PLB1: variants seen among roughly 807,000 people sequenced by gnomAD.
The protein encoded by PLB1 is phospholipase B1, membrane-associated.
Under a neutral mutation model 227.4 loss-of-function variants are expected in PLB1, and 242 were observed. The observed-to-expected ratio is 1.06, with a 90% CI of 0.96 to 1.18. PLB1 has a LOEUF of 1.18. Ranked by LOEUF, PLB1 falls within the 50% of genes most tolerant of loss-of-function variation. The probability of loss-of-function intolerance (pLI) is 0.00; values close to 1 mark genes in which losing one functional copy is unlikely to be tolerated. For synonymous variants in PLB1, 757 were observed against 682.2 expected (o/e 1.11, Z -1.71); for missense variants, 1,858 against 1,816.3 (o/e 1.02, Z -0.42).
intron 32 of PLB1, 62 bp downstream of exon 32, chr2:28,592,781 TCTTAA>T (rs745642561): frequency 2.2e-5 from 33 of 1,522,764 alleles, no homozygotes; most frequent in Non-Finnish European, 2.6e-5. Context: ...ATCCCAGTCC[TCTTAA>T]CTTAAGGGTC....
At chr2:28,601,037 G>A (rs1018410432) in intron 36 of PLB1, among the ~76,000 whole-genome samples, 177 bp downstream of exon 36, 2 of 152,158 alleles carry the variant, frequency 1.3e-5, no homozygotes, top group East Asian at 3.8e-4. Context: ...AATGGAGAGA[G>A]CTTTGTTGCT....
intron 13 of PLB1, 57 bp from the exon 14 acceptor site, chr2:28,543,155 G>T: frequency 6.5e-7 from 1 of 1,537,728 alleles, no homozygotes; most frequent in East Asian, 2.4e-5. Context: ...GTGTGTAGCA[G>T]GTCCGTTGCA....
At chr2:28,499,449 G>A (rs1666832197) in intron 1 of PLB1, among the ~76,000 whole-genome samples, 1 of 151,266 alleles carries the variant, frequency 6.6e-6, no homozygotes, top group African/African-American at 2.4e-5. Flanking sequence ...TGACGGTGTT[G>A]TTACTTCCTC....
chr2:28,624,799 T>TC (rs60131348), intron 49 of PLB1, among the ~76,000 whole-genome samples: 152,295 of 152,298 alleles, frequency 1, 76,146 homozygotes, highest in Middle Eastern at 1. Flanking sequence ...TAAGGGAAAG[T>TC]CCTGAGGGGA....
rs549685618 is a variant in PLB1, at chr2:28,577,994, C to T, written c.1434-113C>T. 15 of 1,001,616 alleles carry T rather than the reference C, an allele frequency of 1.5e-5. 1 individual carries two copies. Among genetic ancestry groups the T allele is most frequent in the South Asian group, 1.5e-4 (11 of 74,676 alleles). The allele number at this position is 1,001,616 out of a possible 1,614,324, so 62.0% of individuals were successfully genotyped here. ...ACACGGCCTTCAGTCCATTTTCCTGCAGGAGGCCCACCCTGGGCCTTCCTC... is the reference window on the plus strand; with the variant it reads ...ACACGGCCTTCAGTCCATTTTCCTGTAGGAGGCCCACCCTGGGCCTTCCTC... On this transcript the variant is annotated intron_variant, in intron 21 of 57. Coordinates refer to ENST00000327757, the MANE Select transcript of PLB1 (RefSeq NM_153021.5).
At chr2:28,527,503 A>C (rs1476123839) in intron 6 of PLB1, among the ~76,000 whole-genome samples, 3 of 152,238 alleles carry the variant, frequency 2.0e-5, no homozygotes, top group Non-Finnish European at 4.4e-5. Context: ...AGCCCACCTG[A>C]CCATCAATCT....
intron 41 of PLB1, 41 bp from the exon 42 acceptor site, chr2:28,605,812 G>A (rs753297136): frequency 2.0e-6 from 3 of 1,532,328 alleles, no homozygotes; most frequent in Non-Finnish European, 1.8e-6. Context: ...GGCTCCCTCT[G>A]AACCAATAGG....
At chr2:28,536,152 C>A (rs558055134) in intron 9 of PLB1, among the ~76,000 whole-genome samples, 2 of 152,232 alleles carry the variant, frequency 1.3e-5, no homozygotes, top group East Asian at 1.9e-4. Context: ...CCTGTGGAGA[C>A]CTTTGGGCTC....
chr2:28,507,188 T>A (rs4361079), intron 1 of PLB1, among the ~76,000 whole-genome samples: 33,188 of 152,120 alleles, frequency 0.22, 4,147 homozygotes, highest in South Asian at 0.36. Flanking sequence ...TTGTTCGTCT[T>A]CACCATGGGA....
intron 43 of PLB1, among the ~76,000 whole-genome samples, chr2:28,612,100 C>A (rs572797752): frequency 6.6e-6 from 1 of 152,234 alleles, no homozygotes; most frequent in East Asian, 1.9e-4. Context: ...GAGCCGAGAT[C>A]GCGCCACTGC....
intron 35 of PLB1, among the ~76,000 whole-genome samples, chr2:28,599,207 A>G (rs1324011187): frequency 1.3e-5 from 2 of 152,308 alleles, no homozygotes; most frequent in South Asian, 2.1e-4. Flanking sequence ...CCCTAGCCCC[A>G]TTATGGAGCT....
At chr2:28,612,137 C>T (rs878942545) in intron 43 of PLB1, among the ~76,000 whole-genome samples, 1 of 152,122 alleles carries the variant, frequency 6.6e-6, no homozygotes, top group African/African-American at 2.4e-5. Flanking sequence ...CAGAGCAAGA[C>T]TCCGTCTCAA....
intron 16 of PLB1, among the ~76,000 whole-genome samples, chr2:28,550,525 A>ATTTTTTTTTT (rs34468949): frequency 7.6e-6 from 1 of 132,212 alleles, no homozygotes; most frequent in African/African-American, 2.9e-5. Flanking sequence ...CCTCAATACA[A>ATTTTTTTTTT]TTTTTTTTTT....
intron 17 of PLB1, among the ~76,000 whole-genome samples, chr2:28,558,427 C>T (rs953487657): frequency 1.3e-5 from 2 of 152,156 alleles, no homozygotes; most frequent in African/African-American, 2.4e-5. Flanking sequence ...AAATAAACCA[C>T]TCTAGAGTTG....
chr2:28,549,073 T>A (rs1180039591), intron 15 of PLB1, 142 bp downstream of exon 15: 2 of 731,602 alleles, frequency 2.7e-6, no homozygotes, highest in Non-Finnish European at 2.4e-6. Flanking sequence ...CAGTTTTGCA[T>A]ACATAGCAGC....
chr2:28,501,585 C>T (rs559116069), intron 1 of PLB1, among the ~76,000 whole-genome samples: 1 of 152,230 alleles, frequency 6.6e-6, no homozygotes, highest in Non-Finnish European at 1.5e-5. Flanking sequence ...AAGATGTACT[C>T]AGAGAGGTCC....
At chr2:28,530,180 A>G (rs1205718583) in intron 8 of PLB1, among the ~76,000 whole-genome samples, 1 of 152,142 alleles carries the variant, frequency 6.6e-6, no homozygotes, top group Admixed American at 6.5e-5. Context: ...CCTCTTCAGA[A>G]TGGTTTTCCT....
chr2:28,597,301 T>C (rs1006444291), intron 33 of PLB1, among the ~76,000 whole-genome samples: 3 of 146,936 alleles, frequency 2.0e-5, no homozygotes, highest in African/African-American at 7.5e-5. Context: ...ACCTGGAATA[T>C]AACATGCTGG....
intron 14 of PLB1, chr2:28,548,505 C>G (rs550187641): frequency 2.3e-5 from 11 of 475,652 alleles, no homozygotes; most frequent in African/African-American, 2.2e-4. Context: ...AGTCCCAGCT[C>G]TGTCCTGGCT....
Sources: gnomAD v4.1 joint callset for allele counts (sites outside exome capture counted in the v4.1 genomes callset) on GRCh38, gnomAD v4.1.1 for gene constraint, MANE v1.5 for transcripts, NCBI Gene and HGNC (gene_info 2026-07-23, HGNC 2026-07-21) for gene names.